The following COL9A3 variants were observed in gnomAD, a reference collection of about 807,000 sequenced individuals.
COL9A3 encodes collagen type IX alpha 3 chain.
COL9A3 carries 82 observed loss-of-function variants against 110.2 expected under a neutral mutation model. The ratio of observed to expected loss-of-function variants is 0.74; its 90% CI spans 0.62 to 0.89. The LOEUF (loss-of-function observed/expected upper bound fraction) is 0.89, where lower values mean the gene tolerates loss of function less well. Among genes scored for constraint, COL9A3 ranks in the 40% least tolerant of loss-of-function variants. The probability of loss-of-function intolerance (pLI) is 0.00; values close to 1 mark genes in which losing one functional copy is unlikely to be tolerated. For synonymous variants in COL9A3, 494 were observed against 403.8 expected, an observed-to-expected ratio of 1.22 and a Z score of -2.68; for missense variants, 1,066 against 981.3, an observed-to-expected ratio of 1.09 and a Z score of -1.15.
chr20:62,840,431 C>CAAGTG (rs969320359), intron 31 of COL9A3, 111 bp from the exon 32 acceptor site: 4 of 1,051,028 alleles, frequency 3.8e-6, no homozygotes, highest in Non-Finnish European at 5.9e-6. Context: ...GGCCTCTCCC[C>CAAGTG]AAGTGAAGAG....
chr20:62,836,143 C>T (rs1489522938), intron 27 of COL9A3, 44 bp from the exon 28 acceptor site: 2 of 1,605,938 alleles, frequency 1.2e-6, no homozygotes, highest in African/African-American at 2.7e-5. Flanking sequence ...TGGCTCTGGG[C>T]TCCTGGGCTC....
At position 62,830,412 on chromosome 20, in the gene COL9A3, A is replaced by T. The variant is rs1372972079; in HGVS notation, c.1214A>T (p.Gln405Leu). Residue 405 changes from glutamine (Q) to leucine (L), a missense_variant and splice_region_variant, in exon 23 of 32, where the codon CAG becomes CTG. Coordinates refer to ENST00000649368, the MANE Select transcript of COL9A3 (RefSeq NM_001853.4). ...GGAGCCCCTGGTGTCCGAGGCTTCC[A>T]GGTGGGTGAGGTTGGGGCAAGGGCC... The part of the protein sequence containing the change: ...PPGAPGVRGF[Q>L]GQKGSMGDPG... 3.8e-6 allele frequency: 6 copies of T among 1,567,740 alleles called. No homozygotes were observed. Among genetic ancestry groups the T allele is most frequent in the Non-Finnish European group, 5.2e-6 (6 of 1,156,540 alleles).
chr20:62,831,285 C>T (rs1308921587), intron 24 of COL9A3: 1 of 152,322 alleles, frequency 6.6e-6, no homozygotes, highest in Non-Finnish European at 1.5e-5. Context: ...ACCCAGGGCC[C>T]CAGCTCACTG....
Position 62,835,939 on chromosome 20 carries a change from G to A in COL9A3, c.1387G>A (p.Gly463Arg), listed in dbSNP as rs776587206. 1.1e-5 allele frequency: 17 copies of A among 1,614,060 alleles called. No homozygotes were observed. The highest frequency in any genetic ancestry group is 2.7e-5 in the African/African-American group (2 of 74,936). The change falls in exon 27 of 32, where the codon GGA becomes AGA. Residue 463 changes from glycine (G) to arginine (R), a missense_variant. By Grantham distance (125) the Gly-to-Arg change is moderately radical. Transcript: ENST00000649368. ...KGELGPSGLVGPKGESGSRGE... is the reference protein window; with the variant it reads ...KGELGPSGLVRPKGESGSRGE... ...TTCACAGGGTCCCAGCGGCCTGGTC[G>A]GACCCAAAGGAGAGGTGAGTGCCCG...
At chr20:62,820,766 G>A (rs1417688402) in intron 5 of COL9A3, among the ~76,000 whole-genome samples, 1 of 151,838 alleles carries the variant, frequency 6.6e-6, no homozygotes, top group African/African-American at 2.4e-5. Context: ...GGCAGCAGGG[G>A]CCAGACAGGG....
chr20:62,833,879 G>A (rs992446651), intron 26 of COL9A3, among the ~76,000 whole-genome samples: 3 of 113,714 alleles, frequency 2.6e-5, no homozygotes, highest in African/African-American at 1.3e-4. Context: ...GTTTTGGGGG[G>A]TTTTGTTTGT....
At chr20:62,818,436 C>A in intron 2 of COL9A3, 82 bp from the exon 3 acceptor site, 2 of 1,361,450 alleles carry the variant, frequency 1.5e-6, no homozygotes, top group Admixed American at 1.7e-5. Flanking sequence ...GATTTGGAGG[C>A]CAGCGCTGCT....
chr20:62,828,009 T>TCC (rs749058187), intron 17 of COL9A3, 33 bp downstream of exon 17: 26 of 1,610,936 alleles, frequency 1.6e-5, no homozygotes, highest in Non-Finnish European at 2.0e-5. Flanking sequence ...GGAATGCTCC[T>TCC]CCCCCGGGTC....
chr20:62,830,090 A>T (rs868294792), intron 22 of COL9A3, among the ~76,000 whole-genome samples: 56 of 152,102 alleles, frequency 3.7e-4, no homozygotes, highest in African/African-American at 1.3e-3. Flanking sequence ...AGCACCAGCC[A>T]CAGGGCCCTG....
intron 13 of COL9A3, 91 bp downstream of exon 13, chr20:62,825,961 C>A: frequency 7.1e-7 from 1 of 1,410,318 alleles, no homozygotes; most frequent in Non-Finnish European, 9.7e-7. Context: ...AGGGGGCCAG[C>A]TCCGGCTGGG....
intron 10 of COL9A3, 46 bp from the exon 11 acceptor site, chr20:62,824,399 T>C (rs2063534630): frequency 3.2e-6 from 5 of 1,562,738 alleles, no homozygotes; most frequent in Non-Finnish European, 3.5e-6. Context: ...TCGGACGTCC[T>C]GCTCTGTTTG....
At chr20:62,825,983 C>A in intron 13 of COL9A3, 113 bp downstream of exon 13, 1 of 1,281,802 alleles carries the variant, frequency 7.8e-7, no homozygotes, top group Non-Finnish European at 1.1e-6. Context: ...GGTGTTTGGC[C>A]AACACCCAGG....
chr20:62,840,017 T>C (rs552816138), intron 31 of COL9A3, among the ~76,000 whole-genome samples: 9 of 152,212 alleles, frequency 5.9e-5, no homozygotes, highest in African/African-American at 2.2e-4. Context: ...GTGTTGCACT[T>C]GCTGGTGGAC....
chr20:62,829,061 A>T, intron 19 of COL9A3, 85 bp downstream of exon 19: 2 of 1,437,222 alleles, frequency 1.4e-6, no homozygotes, highest in Admixed American at 2.0e-5. Flanking sequence ...TGGGTTGGTC[A>T]CTGTAGGGCC....
intron 11 of COL9A3, 21 bp from the exon 12 acceptor site, chr20:62,824,947 T>A: frequency 6.2e-7 from 1 of 1,604,922 alleles, no homozygotes; most frequent in South Asian, 1.1e-5. Flanking sequence ...GGTGGGGCAG[T>A]GACCCCACAT....
Position 62,840,888 on chromosome 20 carries a change from C to A in COL9A3, c.*156C>A. 1 of 770,946 alleles carries A rather than the reference C, an allele frequency of 1.3e-6. No homozygotes were observed. Among genetic ancestry groups the A allele is most frequent in the African/African-American group, 1.7e-5 (1 of 57,268 alleles). 47.8% of individuals were successfully genotyped at this position (770,946 alleles called of 1,614,324 possible). A position where few individuals can be genotyped will look rare whatever the true frequency, so the allele number is the denominator to read the frequency against. On this transcript the variant is annotated 3_prime_UTR_variant, in exon 32 of 32. Transcript: ENST00000649368. Reference sequence around the variant, plus strand: ...GACGCGCGGGCCTTGCCAGCGAGCACCCTCATCGGGCTGTCGCCTGACAGC... The same window carrying A: ...GACGCGCGGGCCTTGCCAGCGAGCAACCTCATCGGGCTGTCGCCTGACAGC...
At chr20:62,828,196 C>T (rs1017097092) in intron 17 of COL9A3, among the ~76,000 whole-genome samples, 5 of 152,192 alleles carry the variant, frequency 3.3e-5, no homozygotes, top group African/African-American at 9.6e-5. Context: ...TTTACCTGCA[C>T]AGAGGACACG....
intron 11 of COL9A3, 99 bp from the exon 12 acceptor site, chr20:62,824,869 G>A (rs1197840661): frequency 3.9e-6 from 5 of 1,277,170 alleles, no homozygotes; most frequent in Non-Finnish European, 5.6e-6. Context: ...CCGTGTGGCG[G>A]GCCCTGGGCT....
intron 10 of COL9A3, among the ~76,000 whole-genome samples, chr20:62,824,058 A>T (rs1184601761): frequency 1.5e-3 from 172 of 118,010 alleles, no homozygotes; most frequent in Middle Eastern, 6.0e-3. Context: ...CCTGTCACCC[A>T]GAGTGTCCCG....
Sources: gnomAD v4.1 joint callset for allele counts (sites outside exome capture counted in the v4.1 genomes callset) on GRCh38, gnomAD v4.1.1 for gene constraint, MANE v1.5 for transcripts, NCBI Gene and HGNC (gene_info 2026-07-23, HGNC 2026-07-21) for gene names.